The following SPCS3 variants were observed in gnomAD, a reference collection of about 807,000 sequenced individuals.
The protein encoded by SPCS3 is signal peptidase complex subunit 3.
Under a neutral mutation model 17.2 loss-of-function variants are expected in SPCS3, and 9 were observed. The ratio of observed to expected loss-of-function variants is 0.52; its 90% CI spans 0.31 to 0.91. The LOEUF (loss-of-function observed/expected upper bound fraction) is 0.91, where lower values mean the gene tolerates loss of function less well. Among genes scored for constraint, SPCS3 ranks in the 40% least tolerant of loss-of-function variants. SPCS3 has a pLI of 0.04. For synonymous variants in SPCS3, 87 were observed against 89.6 expected, an observed-to-expected ratio of 0.97 and a Z score of 0.16; for missense variants, 139 against 217.5, an observed-to-expected ratio of 0.64 and a Z score of 2.27.
intron 3 of SPCS3, chr4:176,326,926 T>C (rs1352766466): frequency 3.0e-6 from 1 of 331,804 alleles, no homozygotes; most frequent in East Asian, 7.1e-5. Context: ...AGTAATACAG[T>C]TGAGTTAGCA....
At position 176,331,593 on chromosome 4, in the gene SPCS3, T is replaced by G. The variant is rs1731688174; in HGVS notation, c.*3263T>G. 6.6e-6 allele frequency: 1 copy of G among 152,174 alleles called. No homozygotes were observed. Among genetic ancestry groups the G allele is most frequent in the Admixed American group, 6.5e-5 (1 of 15,272 alleles). 9.4% of individuals were successfully genotyped at this position (152,174 alleles called of 1,614,324 possible). On this transcript the variant is annotated 3_prime_UTR_variant, in exon 5 of 5. Coordinates refer to ENST00000503362, the MANE Select transcript of SPCS3 (RefSeq NM_021928.4). ...GGATTTTTCTTTTCCTTTTTAAATT[T>G]TTTTATTTTTTCTGAGACGGAGATC...
chr4:176,327,634 A>T (rs1341887534), intron 4 of SPCS3, among the ~76,000 whole-genome samples: 2 of 152,224 alleles, frequency 1.3e-5, no homozygotes, highest in African/African-American at 4.8e-5. Flanking sequence ...GGAGTTGATA[A>T]TAGTTAAAAG....
Position 176,331,724 on chromosome 4 carries a change from G to A in SPCS3, c.*3394G>A, listed in dbSNP as rs895618224. 5 of 152,256 alleles carry A rather than the reference G, an allele frequency of 3.3e-5. No individual in the cohort carries two copies. The highest frequency in any genetic ancestry group is 5.9e-5 in the Non-Finnish European group (4 of 68,132). The allele number at this position is 152,256 out of a possible 1,614,324, so 9.4% of individuals were successfully genotyped here. A position where few individuals can be genotyped will look rare whatever the true frequency, so the allele number is the denominator to read the frequency against. On this transcript the variant is annotated 3_prime_UTR_variant, in exon 5 of 5. Coordinates refer to ENST00000503362, the MANE Select transcript of SPCS3 (RefSeq NM_021928.4). ...CTGCCTCAGCCTCCGGAGTAGCTGG[G>A]ATTACAGGCGCCCGCCACCACGTCC...
In SPCS3 at chr4:176,320,143, A is replaced by G. The variant is rs1386210187; in HGVS notation, c.67A>G (p.Thr23Ala). 1 of 1,583,190 alleles carries G rather than the reference A, an allele frequency of 6.3e-7. No homozygotes were observed. Among genetic ancestry groups the G allele is most frequent in the Non-Finnish European group, 8.6e-7 (1 of 1,165,862 alleles). ...AFSLSVMAAL[T>A]FGCFITTAFK... ...CTCGCTGAGCGTGATGGCGGCGCTC[A>G]CCTTCGGCTGCTTCATCACCACCGC... The change falls in exon 1 of 5, where the codon ACC (threonine) becomes GCC (alanine). Residue 23 changes from threonine (T) to alanine (A), a missense_variant. Coordinates refer to ENST00000503362, the MANE Select transcript of SPCS3 (RefSeq NM_021928.4).
chr4:176,321,426 A>G (rs749231764), intron 1 of SPCS3: 5 of 152,212 alleles, frequency 3.3e-5, no homozygotes, highest in Non-Finnish European at 7.3e-5. Context: ...AAATATTGTC[A>G]GTGGGTCTGA....
Position 176,330,332 on chromosome 4 carries a change from T to G in SPCS3, c.*2002T>G, listed in dbSNP as rs1453373147. The G allele has an allele frequency of 6.6e-6, 1 of 152,204 alleles. No homozygotes were observed. The highest frequency in any genetic ancestry group is 1.5e-5 in the Non-Finnish European group (1 of 68,024). 9.4% of individuals were successfully genotyped at this position (152,204 alleles called of 1,614,324 possible). ...GCTTAAAAATCAGGTGTGTCCTCTT[T>G]AAAGGCATGTGCGATAAGCCTGCAG... On this transcript the variant is annotated 3_prime_UTR_variant, in exon 5 of 5. Transcript: ENST00000503362.
intron 2 of SPCS3, among the ~76,000 whole-genome samples, chr4:176,322,912 G>A (rs1731557188): frequency 6.6e-6 from 1 of 152,076 alleles, no homozygotes; most frequent in South Asian, 2.1e-4. Flanking sequence ...TCTTGGCAAT[G>A]TTCTCTGCCA....
In SPCS3 at chr4:176,328,495, A is replaced by G. The variant is rs1375139124; in HGVS notation, c.*165A>G. ...CATCAAAAGGCCTGTTTAAAGGGAA[A>G]GGTTAATGGGCTACTTAATATTATG... On this transcript the variant is annotated 3_prime_UTR_variant, in exon 5 of 5. Transcript: ENST00000503362. 6.9e-6 allele frequency: 3 copies of G among 436,028 alleles called. No homozygotes were observed. Among genetic ancestry groups the G allele is most frequent in the Non-Finnish European group, 1.2e-5 (3 of 256,904 alleles). 27.0% of individuals were successfully genotyped at this position (436,028 alleles called of 1,614,324 possible).
chr4:176,324,869 C>G (rs59483623), intron 3 of SPCS3, among the ~76,000 whole-genome samples: 21,025 of 151,954 alleles, frequency 0.14, 1,512 homozygotes, highest in Middle Eastern at 0.19. Flanking sequence ...GCTGCTGTGT[C>G]ACACTGAAGG....
Position 176,330,938 on chromosome 4 carries a change from C to T in SPCS3, c.*2608C>T, listed in dbSNP as rs1020033049. On this transcript the variant is annotated 3_prime_UTR_variant, in exon 5 of 5. Coordinates refer to ENST00000503362, the MANE Select transcript of SPCS3 (RefSeq NM_021928.4). ...ATCTGTATCAGTATTTTTTTATTCC[C>T]CTGATTGATTACATTTGGTTTCTTT... 45 of 151,954 alleles carry T rather than the reference C, an allele frequency of 3.0e-4. No homozygotes were observed. Among genetic ancestry groups the T allele is most frequent in the Admixed American group, 1.4e-3 (22 of 15,260 alleles). The allele number at this position is 151,954 out of a possible 1,614,324, so 9.4% of individuals were successfully genotyped here.
chr4:176,327,137 C>A, intron 3 of SPCS3, 25 bp from the exon 4 acceptor site: 2 of 1,335,668 alleles, frequency 1.5e-6, no homozygotes, highest in South Asian at 1.4e-5. Context: ...GATGAGTTAT[C>A]TAATTAATTT....
chr4:176,328,240 A>G lies in SPCS3; in HGVS notation c.453A>G (p.Val151=). ...CTTTGACCCTGTCTTGGAACGTCGT[A>G]CCAAATGCTGGAATTCTACCTCTTG... ...NVTLTLSWNV[V]PNAGILPLVT... The change falls in exon 5 of 5, where the codon GTA becomes GTG. Residue 151 remains valine, a synonymous_variant. Coordinates refer to ENST00000503362, the MANE Select transcript of SPCS3 (RefSeq NM_021928.4). The G allele has an allele frequency of 6.2e-7, 1 of 1,613,398 alleles. No individual in the cohort carries two copies. The highest frequency in any genetic ancestry group is 1.1e-5 in the South Asian group (1 of 90,986).
rs974559892 is a variant in SPCS3 at position 176,328,595 on chromosome 4, T to TA, written c.*271dup. 2.4e-5 allele frequency: 5 copies of TA among 205,656 alleles called. No individual in the cohort carries two copies. The highest frequency in any genetic ancestry group is 9.3e-5 in the African/African-American group (4 of 43,068). The allele number at this position is 205,656 out of a possible 1,614,324, so 12.7% of individuals were successfully genotyped here. On this transcript the variant is annotated 3_prime_UTR_variant, in exon 5 of 5. Transcript: ENST00000503362. ...ATAAGAACTACATAAAACAGATTTG[T>TA]AAAAAATACATATTTGAAGTATTCC...
intron 3 of SPCS3, among the ~76,000 whole-genome samples, chr4:176,325,095 G>A (rs931940354): frequency 1.4e-5 from 2 of 146,082 alleles, no homozygotes; most frequent in African/African-American, 5.1e-5. Context: ...CTTGTAGCCC[G>A]GGCTGGAGTA....
intron 3 of SPCS3, chr4:176,326,847 T>G (rs1024405668): frequency 5.8e-6 from 1 of 172,924 alleles, no homozygotes; most frequent in African/African-American, 2.4e-5. Flanking sequence ...ATTCATCTGT[T>G]CCTCCAAAGG....
intron 2 of SPCS3, among the ~76,000 whole-genome samples, chr4:176,322,742 T>A (rs1185429898): frequency 6.6e-6 from 1 of 152,170 alleles, no homozygotes; most frequent in Non-Finnish European, 1.5e-5. Flanking sequence ...ATAACTCTTT[T>A]TATAAGGACT....
In SPCS3 at chr4:176,324,266, A is replaced by T. The variant is rs987036710; in HGVS notation, c.294+9A>T. 2 of 1,084,690 alleles carry T rather than the reference A, an allele frequency of 1.8e-6. No individual in the cohort carries two copies. Among genetic ancestry groups the T allele is most frequent in the African/African-American group, 3.3e-5 (2 of 61,534 alleles). 67.2% of individuals were successfully genotyped at this position (1,084,690 alleles called of 1,614,324 possible). On this transcript the variant is annotated intron_variant, in intron 3 of 4. Coordinates refer to ENST00000503362, the MANE Select transcript of SPCS3 (RefSeq NM_021928.4). ...ATTCAACAAAAAATAATGTAAGTAT[A>T]TCTAATTAGAAGTATTTTAATAGCT...
intron 1 of SPCS3, chr4:176,320,853 G>T (rs1030979408): frequency 6.6e-6 from 1 of 152,250 alleles, no homozygotes; most frequent in Non-Finnish European, 1.5e-5. Context: ...AAGCATCTTA[G>T]CCTTCTGATA....
At chr4:176,325,711 T>C (rs918952610) in intron 3 of SPCS3, among the ~76,000 whole-genome samples, 2 of 152,142 alleles carry the variant, frequency 1.3e-5, no homozygotes, top group African/African-American at 2.4e-5. Flanking sequence ...AGTATCTGAG[T>C]ACTTGAACTG....
Sources: allele counts gnomAD v4.1 joint callset (sites outside exome capture counted in the v4.1 genomes callset), GRCh38; gene constraint gnomAD v4.1.1; transcripts MANE v1.5; gene names NCBI Gene and HGNC (gene_info 2026-07-23, HGNC 2026-07-21).